EPHA7: variants seen among roughly 807,000 people sequenced by gnomAD.
EPHA7 encodes the protein ephrin type-A receptor 7.
Under a neutral mutation model 112.6 loss-of-function variants are expected in EPHA7, and 25 were observed. The observed-to-expected ratio is 0.22, with a 90% confidence interval of 0.16 to 0.31. The LOEUF (loss-of-function observed/expected upper bound fraction) is 0.31, where lower values mean the gene tolerates loss of function less well. Ranked by LOEUF, EPHA7 falls within the 10% of genes least tolerant of loss-of-function variation. The pLI is 1.00. For synonymous variants in EPHA7, 437 were observed against 406.5 expected (o/e 1.07, Z -0.90); for missense variants, 962 against 1,212.6 (o/e 0.79, Z 3.07).
At chr6:93,297,860 C>T (rs946902486) in intron 5 of EPHA7, among the ~76,000 whole-genome samples, 3 of 152,110 alleles carry the variant, frequency 2.0e-5, no homozygotes, top group Non-Finnish European at 4.4e-5. Flanking sequence ...ATATCTCTCT[C>T]CAAAATACCT....
At chr6:93,354,536 T>C (rs899917668) in intron 5 of EPHA7, among the ~76,000 whole-genome samples, 1 of 151,334 alleles carries the variant, frequency 6.6e-6, no homozygotes, top group Non-Finnish European at 1.5e-5. Flanking sequence ...CTCATTTTAA[T>C]ATACGATTAA....
intron 7 of EPHA7, among the ~76,000 whole-genome samples, chr6:93,267,015 CACTT>C (rs780378030): frequency 2.4e-4 from 36 of 151,734 alleles, no homozygotes; most frequent in Non-Finnish European, 5.0e-4. Context: ...TTTTTACTCT[CACTT>C]GCTTATGAAT....
chr6:93,358,975 A>T (rs1477802075), intron 3 of EPHA7, among the ~76,000 whole-genome samples: 1 of 152,164 alleles, frequency 6.6e-6, no homozygotes, highest in Non-Finnish European at 1.5e-5. Context: ...ATAGAATTTC[A>T]ACCAATTTAA....
intron 3 of EPHA7, among the ~76,000 whole-genome samples, chr6:93,396,736 C>T (rs1434507939): frequency 6.6e-6 from 1 of 151,632 alleles, no homozygotes; most frequent in East Asian, 1.9e-4. Flanking sequence ...TTATTCCATA[C>T]AAAATATAAC....
intron 3 of EPHA7, among the ~76,000 whole-genome samples, chr6:93,373,173 A>T (rs1308060265): frequency 6.6e-6 from 1 of 151,936 alleles, no homozygotes; most frequent in East Asian, 1.9e-4. Context: ...TTTGGAATTA[A>T]CAGCTAGAAA....
chr6:93,243,201 T>C lies in EPHA7; in HGVS notation c.*225A>G, dbSNP rs555835322. ...GTTTTTCAGGTAGTACTTTGTTTAT[T>C]GTCACTGCTATTTTCCTGGCCACCG... On this transcript the variant is annotated 3_prime_UTR_variant, in exon 17 of 17. Coordinates refer to ENST00000369303, the MANE Select transcript of EPHA7 (RefSeq NM_004440.4). The C allele has an allele frequency of 6.0e-5, 24 of 397,740 alleles. No individual in the cohort carries two copies. Among genetic ancestry groups the C allele is most frequent in the Admixed American group, 1.2e-4 (3 of 24,040 alleles). The allele number at this position is 397,740 out of a possible 1,614,324, so 24.6% of individuals were successfully genotyped here. A position where few individuals can be genotyped will look rare whatever the true frequency, so the allele number is the denominator to read the frequency against.
chr6:93,252,037 T>C (rs1770239621), intron 14 of EPHA7, among the ~76,000 whole-genome samples: 1 of 151,938 alleles, frequency 6.6e-6, no homozygotes, highest in Non-Finnish European at 1.5e-5. Flanking sequence ...CATGTATAGG[T>C]ATATTAGTTT....
intron 3 of EPHA7, among the ~76,000 whole-genome samples, chr6:93,370,671 G>A (rs1391742347): frequency 6.6e-6 from 1 of 151,898 alleles, no homozygotes; most frequent in Admixed American, 6.6e-5. Flanking sequence ...TGTACATTTG[G>A]TTTCCTATTA....
chr6:93,361,293 A>G (rs1265326714), intron 3 of EPHA7, among the ~76,000 whole-genome samples: 1 of 152,088 alleles, frequency 6.6e-6, no homozygotes, highest in East Asian at 1.9e-4. Flanking sequence ...TCTCAAAGGA[A>G]ACTACCAATT....
chr6:93,290,984 T>C (rs1419708314), intron 5 of EPHA7, among the ~76,000 whole-genome samples: 1 of 152,246 alleles, frequency 6.6e-6, no homozygotes, highest in Non-Finnish European at 1.5e-5. Context: ...CCCAGTAGTT[T>C]ATGTTGCAAA....
chr6:93,327,965 G>A (rs1433741278), intron 5 of EPHA7, among the ~76,000 whole-genome samples: 1 of 151,438 alleles, frequency 6.6e-6, no homozygotes, highest in African/African-American at 2.4e-5. Context: ...GTCTAACACA[G>A]TGTGTCCTTG....
At chr6:93,257,633 G>T in intron 11 of EPHA7, 110 bp from the exon 12 acceptor site, 1 of 688,200 alleles carries the variant, frequency 1.5e-6, no homozygotes, top group Non-Finnish European at 2.4e-6. Context: ...GTGAGTGTGA[G>T]AAGTATGAGC....
chr6:93,387,285 C>A (rs1173145544), intron 3 of EPHA7, among the ~76,000 whole-genome samples: 2 of 152,140 alleles, frequency 1.3e-5, no homozygotes, highest in Admixed American at 1.3e-4. Flanking sequence ...TTTGCTACAG[C>A]ATAGCAAAAG....
rs139193333 is a variant in EPHA7, at chr6:93,368,566, T to C, written c.833-10155A>G. Among the ~76,000 whole-genome samples, 17 of 152,256 alleles carry C rather than the reference T, an allele frequency of 1.1e-4. No individual in the cohort carries two copies. The East Asian group carries it at 3.1e-3, about 28-fold the overall frequency. ...AATTCGAAGGATTAAAATTGGACTA[T>C]CTTGTGAGTGGCTTGTCAATAATTA... On this transcript the variant is annotated intron_variant, in intron 3 of 16. Coordinates refer to ENST00000369303, the MANE Select transcript of EPHA7 (RefSeq NM_004440.4).
chr6:93,294,085 C>T (rs1461777131), intron 5 of EPHA7, among the ~76,000 whole-genome samples: 4 of 152,182 alleles, frequency 2.6e-5, no homozygotes, highest in South Asian at 2.1e-4. Context: ...AATCATTTCC[C>T]GTGCAAGCAG....
At chr6:93,412,211 C>T (rs1779011381) in intron 2 of EPHA7, among the ~76,000 whole-genome samples, 2 of 151,650 alleles carry the variant, frequency 1.3e-5, no homozygotes, top group African/African-American at 2.4e-5. Context: ...TTAATTTCCC[C>T]AATAAAAAAT....
At chr6:93,317,142 A>G (rs187213744) in intron 5 of EPHA7, among the ~76,000 whole-genome samples, 1 of 152,206 alleles carries the variant, frequency 6.6e-6, no homozygotes, top group East Asian at 1.9e-4. Context: ...GATGCTCTTG[A>G]GGGCTTTATT....
At chr6:93,263,956 T>A in intron 8 of EPHA7, 41 bp from the exon 9 acceptor site, 1 of 1,509,124 alleles carries the variant, frequency 6.6e-7, no homozygotes, top group Admixed American at 1.7e-5. Flanking sequence ...GTCATTTTAC[T>A]TTATATATTT....
intron 5 of EPHA7, among the ~76,000 whole-genome samples, chr6:93,275,782 A>T (rs1771442159): frequency 6.6e-6 from 1 of 152,062 alleles, no homozygotes; most frequent in Non-Finnish European, 1.5e-5. Context: ...AAAAATAATC[A>T]GTAACAAGAA....
Sources: gnomAD v4.1 joint callset for allele counts (sites outside exome capture counted in the v4.1 genomes callset) on GRCh38, gnomAD v4.1.1 for gene constraint, MANE v1.5 for transcripts, NCBI Gene and HGNC (gene_info 2026-07-23, HGNC 2026-07-21) for gene names.